Variants in PKNOX2 observed in about 807,000 individuals in gnomAD.
PKNOX2 encodes homeobox protein PKNOX2.
In PKNOX2, 14 loss-of-function variants were observed where a neutral mutation model predicts 53.1. That is an observed-to-expected ratio of 0.26 (90% CI 0.17 to 0.41). The LOEUF is 0.41. Among genes scored for constraint, PKNOX2 ranks in the 10% least tolerant of loss-of-function variants. The pLI is 1.00. For missense variants in PKNOX2, 496 were observed against 602.8 expected, an observed-to-expected ratio of 0.82 and a Z score of 1.85; for synonymous variants, 257 against 242.8, an observed-to-expected ratio of 1.06 and a Z score of -0.54.
At chr11:125,337,072 T>A (rs1950468509) in intron 3 of PKNOX2, among the ~76,000 whole-genome samples, 1 of 152,058 alleles carries the variant, frequency 6.6e-6, no homozygotes, top group African/African-American at 2.4e-5. Context: ...TTGTTAAGAT[T>A]TAGAAGATTT....
intron 2 of PKNOX2, among the ~76,000 whole-genome samples, chr11:125,306,848 T>C (rs1174072877): frequency 6.6e-6 from 1 of 152,182 alleles, no homozygotes; most frequent in Non-Finnish European, 1.5e-5. Context: ...CCCATTTTCG[T>C]TTCACACAAA....
intron 1 of PKNOX2, among the ~76,000 whole-genome samples, chr11:125,176,222 T>C (rs1054160942): frequency 1.3e-5 from 2 of 152,202 alleles, no homozygotes; most frequent in Admixed American, 6.5e-5. Context: ...TGTGGGAGGC[T>C]GTCAGGGGCC....
At chr11:125,250,671 C>T (rs748196067) in intron 2 of PKNOX2, among the ~76,000 whole-genome samples, 2 of 152,174 alleles carry the variant, frequency 1.3e-5, no homozygotes, top group Non-Finnish European at 2.9e-5. Flanking sequence ...TTCTAGGCTC[C>T]TGTGTTGAAA....
chr11:125,330,631 T>A (rs1274759265), intron 2 of PKNOX2, among the ~76,000 whole-genome samples: 1 of 151,842 alleles, frequency 6.6e-6, no homozygotes, highest in Non-Finnish European at 1.5e-5. Flanking sequence ...AATTCAAACC[T>A]CCCTCAGGAT....
intron 3 of PKNOX2, among the ~76,000 whole-genome samples, chr11:125,339,747 C>T (rs1950590223): frequency 6.6e-6 from 1 of 152,390 alleles, no homozygotes; most frequent in East Asian, 1.9e-4. Flanking sequence ...GCACAGACAG[C>T]CTGGCTTTCG....
rs537890594 is a variant in PKNOX2 at position 125,427,100 on chromosome 11, G to C, written c.937-1912G>C. On this transcript the variant is annotated intron_variant, in intron 10 of 12. Transcript: ENST00000298282. ...AGACCAGCTGGCTATGGACAGGGAG[G>C]CTGCTTGGCTCTTTCCCACAAATAG... is the stretch of plus-strand genomic sequence containing the variant. Among the ~76,000 whole-genome samples the C allele has an allele frequency of 8.5e-5, 13 of 152,318 alleles. No individual in the cohort carries two copies. The East Asian group carries it at 2.3e-3, about 27-fold the overall frequency.
intron 1 of PKNOX2, among the ~76,000 whole-genome samples, chr11:125,212,474 A>G (rs1312682047): frequency 5.5e-5 from 5 of 90,254 alleles, no homozygotes; most frequent in South Asian, 3.8e-4. Context: ...TTTTTTTTTG[A>G]GACAGAGTCT....
intron 1 of PKNOX2, among the ~76,000 whole-genome samples, chr11:125,215,359 C>T (rs183682295): frequency 8.9e-4 from 135 of 152,162 alleles, no homozygotes; most frequent in African/African-American, 3.1e-3. Flanking sequence ...TCAGGCCAAC[C>T]TGAGATCCCT....
intron 2 of PKNOX2, among the ~76,000 whole-genome samples, chr11:125,263,514 G>T (rs1945051769): frequency 6.6e-6 from 1 of 152,224 alleles, no homozygotes; most frequent in Non-Finnish European, 1.5e-5. Context: ...CAGCACTGTG[G>T]TATGTCGGTT....
At chr11:125,242,328 C>T (rs976423239) in intron 2 of PKNOX2, among the ~76,000 whole-genome samples, 19 of 152,172 alleles carry the variant, frequency 1.2e-4, no homozygotes, top group African/African-American at 4.3e-4. Context: ...TCCTATACTT[C>T]CCAGTCTCCC....
At chr11:125,307,506 C>T (rs768414727) in intron 2 of PKNOX2, among the ~76,000 whole-genome samples, 1 of 152,004 alleles carries the variant, frequency 6.6e-6, no homozygotes, top group Non-Finnish European at 1.5e-5. Flanking sequence ...TGCAGTGAGC[C>T]GAGATTGCAC....
intron 2 of PKNOX2, among the ~76,000 whole-genome samples, chr11:125,242,040 T>G (rs1019387343): frequency 6.7e-6 from 1 of 149,870 alleles, no homozygotes; most frequent in African/African-American, 2.5e-5. Flanking sequence ...TGATTTCTGC[T>G]GACACCATGC....
At chr11:125,358,381 A>T (rs1951737918) in intron 4 of PKNOX2, among the ~76,000 whole-genome samples, 1 of 152,230 alleles carries the variant, frequency 6.6e-6, no homozygotes, top group Non-Finnish European at 1.5e-5. Context: ...TGGGATGGGC[A>T]GGAGGCCATC....
intron 4 of PKNOX2, among the ~76,000 whole-genome samples, chr11:125,361,530 A>G (rs1951924664): frequency 6.6e-6 from 1 of 152,046 alleles, no homozygotes; most frequent in South Asian, 2.1e-4. Flanking sequence ...AATGCCAACC[A>G]TCTTCTTTTT....
chr11:125,418,849 T>C lies in PKNOX2; in HGVS notation c.936+6984T>C, dbSNP rs150250408. Among the ~76,000 whole-genome samples the C allele has an allele frequency of 5.1e-3, 775 of 152,154 alleles. 10 individuals carry two copies. Among genetic ancestry groups the C allele is most frequent in the Non-Finnish European group, 8.3e-3 (562 of 68,028 alleles). ...TCATTATTCCCTAAACAACACAGTA[T>C]AATAACTATTTATATAGCATTTACA... On this transcript the variant is annotated intron_variant, in intron 10 of 12. Coordinates refer to ENST00000298282, the MANE Select transcript of PKNOX2 (RefSeq NM_001382323.2).
intron 4 of PKNOX2, among the ~76,000 whole-genome samples, chr11:125,363,720 C>G (rs1030478771): frequency 3.3e-5 from 5 of 152,160 alleles, no homozygotes; most frequent in Non-Finnish European, 7.3e-5. Context: ...GTGAATGCAC[C>G]AAGTGGCCTC....
At chr11:125,299,739 C>T (rs546426025) in intron 2 of PKNOX2, among the ~76,000 whole-genome samples, 11 of 152,280 alleles carry the variant, frequency 7.2e-5, no homozygotes, top group South Asian at 2.1e-4. Context: ...CCTTCTTACC[C>T]GATTTGGAGA....
At chr11:125,295,834 T>C (rs1369332867) in intron 2 of PKNOX2, among the ~76,000 whole-genome samples, 2 of 152,210 alleles carry the variant, frequency 1.3e-5, no homozygotes, top group African/African-American at 4.8e-5. Context: ...CATAGACGGC[T>C]ATCTTCTGCC....
intron 1 of PKNOX2, among the ~76,000 whole-genome samples, chr11:125,222,534 A>T (rs1259968869): frequency 6.6e-6 from 1 of 151,942 alleles, no homozygotes. Context: ...GCCTTTTCTA[A>T]CATCTATACA....
Sources: allele counts gnomAD v4.1 joint callset (sites outside exome capture counted in the v4.1 genomes callset), GRCh38; gene constraint gnomAD v4.1.1; transcripts MANE v1.5; gene names NCBI Gene and HGNC (gene_info 2026-07-23, HGNC 2026-07-21).